TNRC6B: variants seen among roughly 807,000 people sequenced by gnomAD.
TNRC6B encodes the protein trinucleotide repeat-containing gene 6B protein.
Under a neutral mutation model 203.6 loss-of-function variants are expected in TNRC6B, and 52 were observed. The observed-to-expected ratio is 0.26, with a 90% CI of 0.20 to 0.32. The LOEUF is 0.32. Among genes scored for constraint, TNRC6B ranks in the 10% least tolerant of loss-of-function variants. TNRC6B has a pLI of 1.00. For synonymous variants in TNRC6B, 838 were observed against 845.7 expected, an observed-to-expected ratio of 0.99 and a Z score of 0.16; for missense variants, 1,923 against 2,286.2, an observed-to-expected ratio of 0.84 and a Z score of 3.24.
At position 40,329,476 on chromosome 22, in the gene TNRC6B, T is replaced by A. The variant is rs949405717; in HGVS notation, c.*6235T>A. On this transcript the variant is annotated 3_prime_UTR_variant, in exon 23 of 23. Transcript: ENST00000454349. ...TGACAAAGGGGGTGGTAATATCACA[T>A]TCTTTAGATTTGAAATAATTATCAG... 4.6e-5 allele frequency: 7 copies of A among 152,136 alleles called. No homozygotes were observed. Among genetic ancestry groups the A allele is most frequent in the Admixed American group, 1.3e-4 (2 of 15,278 alleles). 9.4% of individuals were successfully genotyped at this position (152,136 alleles called of 1,614,324 possible).
intron 1 of TNRC6B, chr22:40,106,688 T>G: frequency 1.3e-6 from 1 of 757,318 alleles, no homozygotes; most frequent in Non-Finnish European, 2.4e-6. Flanking sequence ...TGAAGCCCTG[T>G]TGAGCTTCAC....
intron 3 of TNRC6B, among the ~76,000 whole-genome samples, chr22:40,147,377 A>G (rs565332205): frequency 6.6e-6 from 1 of 152,298 alleles, no homozygotes; most frequent in East Asian, 1.9e-4. Flanking sequence ...TGGATGGTTG[A>G]TGGTTCCACA....
chr22:40,195,797 T>C (rs2069329570), intron 1 of TNRC6B, among the ~76,000 whole-genome samples: 1 of 149,148 alleles, frequency 6.7e-6, no homozygotes, highest in Non-Finnish European at 1.5e-5. Flanking sequence ...TGAGACGGAG[T>C]CTCGCTCTGT....
At chr22:40,089,018 A>G (rs544085090) in intron 1 of TNRC6B, among the ~76,000 whole-genome samples, 16 of 152,256 alleles carry the variant, frequency 1.1e-4, no homozygotes, top group South Asian at 4.1e-4. Flanking sequence ...AAGTCCTTCA[A>G]CTGTACTCAT....
intron 4 of TNRC6B, among the ~76,000 whole-genome samples, chr22:40,159,570 C>T (rs936514871): frequency 3.3e-5 from 5 of 151,428 alleles, no homozygotes; most frequent in South Asian, 2.1e-4. Flanking sequence ...ACCCAGAAGG[C>T]GGAGCTTGCA....
chr22:40,253,898 C>G (rs2070231211), intron 3 of TNRC6B, among the ~76,000 whole-genome samples: 1 of 152,218 alleles, frequency 6.6e-6, no homozygotes, highest in Admixed American at 6.5e-5. Flanking sequence ...CTCAGGCAAT[C>G]TGCCCTTCAC....
chr22:40,287,837 C>T (rs2070808973), intron 12 of TNRC6B, among the ~76,000 whole-genome samples: 2 of 152,124 alleles, frequency 1.3e-5, no homozygotes, highest in South Asian at 4.1e-4. Flanking sequence ...GAGGTGATAG[C>T]AGAATTCCCA....
chr22:40,192,581 C>A (rs1312260935), intron 1 of TNRC6B, among the ~76,000 whole-genome samples: 1 of 152,032 alleles, frequency 6.6e-6, no homozygotes, highest in Non-Finnish European at 1.5e-5. Flanking sequence ...CGAGCCACTG[C>A]ATTCCTGCAT....
chr22:40,296,015 A>G (rs1214048934), intron 12 of TNRC6B, among the ~76,000 whole-genome samples: 1 of 152,208 alleles, frequency 6.6e-6, no homozygotes, highest in Non-Finnish European at 1.5e-5. Flanking sequence ...AATGACACCC[A>G]TCTTTCCTGC....
At chr22:40,294,769 G>A (rs986669973) in intron 12 of TNRC6B, among the ~76,000 whole-genome samples, 7 of 152,188 alleles carry the variant, frequency 4.6e-5, no homozygotes, top group Non-Finnish European at 7.3e-5. Context: ...TTATATCAGA[G>A]ACAGTAAGTT....
At chr22:40,068,918 G>T (rs750269254) in intron 1 of TNRC6B, among the ~76,000 whole-genome samples, 1 of 151,816 alleles carries the variant, frequency 6.6e-6, no homozygotes. Flanking sequence ...ATATGAGGTG[G>T]ACTTTTTACC....
upstream of TNRC6B, among the ~76,000 whole-genome samples, chr22:40,175,221 G>C (rs2146372927): frequency 6.6e-6 from 1 of 152,106 alleles, no homozygotes; most frequent in East Asian, 1.9e-4. Flanking sequence ...TCTGGGCATG[G>C]TGGCATGTGT....
intron 1 of TNRC6B, among the ~76,000 whole-genome samples, chr22:40,181,555 A>T (rs1394413400): frequency 6.6e-6 from 1 of 152,306 alleles, no homozygotes; most frequent in East Asian, 1.9e-4. Flanking sequence ...GATCGTCACA[A>T]CTTGGCAGTT....
intron 1 of TNRC6B, among the ~76,000 whole-genome samples, chr22:40,096,541 A>G (rs2068187255): frequency 6.6e-6 from 1 of 152,198 alleles, no homozygotes; most frequent in Admixed American, 6.5e-5. Context: ...GATGTTGTCC[A>G]GCTACTCAGT....
intron 1 of TNRC6B, among the ~76,000 whole-genome samples, chr22:40,061,364 G>A (rs978198099): frequency 5.3e-5 from 8 of 151,660 alleles, no homozygotes; most frequent in South Asian, 2.1e-4. Flanking sequence ...ATAGGCATGC[G>A]CCACCACGTC....
intron 1 of TNRC6B, among the ~76,000 whole-genome samples, chr22:40,215,808 C>T (rs2069627060): frequency 6.6e-6 from 1 of 152,202 alleles, no homozygotes; most frequent in Admixed American, 6.5e-5. Context: ...TGATTTCTGT[C>T]TCCTATGTGG....
intron 22 of TNRC6B, chr22:40,321,464 A>C: frequency 4.2e-6 from 2 of 479,872 alleles, no homozygotes; most frequent in Admixed American, 3.3e-5. Flanking sequence ...AACGTAAATA[A>C]TTTGTGAAGT....
intron 21 of TNRC6B, among the ~76,000 whole-genome samples, chr22:40,319,317 A>G (rs1430644311): frequency 6.6e-6 from 1 of 151,174 alleles, no homozygotes; most frequent in African/African-American, 2.4e-5. Flanking sequence ...CCCCTTACCC[A>G]TGATTTCTTA....
chr22:40,281,172 C>A lies in TNRC6B; in HGVS notation c.3465C>A (p.Cys1155Ter). The change falls in exon 11 of 23, where the codon TGC (cysteine) becomes TGA (stop). Residue 1155 changes from cysteine to a stop codon, truncating the protein, a stop_gained. Coordinates refer to ENST00000454349, the MANE Select transcript of TNRC6B (RefSeq NM_001162501.2). LOFTEE classifies it high-confidence loss of function. Reference protein sequence around the residue: ...QDGCLGDEAPCSPFSPSPSYK... With the variant: ...QDGCLGDEAP ...GGTGCCTTGGGGATGAGGCTCCCTG[C>A]TCTCCCTTCTCCCCTTCTCCCAGCT... 1 of 1,551,288 alleles carries A rather than the reference C, an allele frequency of 6.4e-7. No homozygotes were observed. Among genetic ancestry groups the A allele is most frequent in the Non-Finnish European group, 8.7e-7 (1 of 1,146,802 alleles).
Sources: gnomAD v4.1 joint callset for allele counts (sites outside exome capture counted in the v4.1 genomes callset) on GRCh38, gnomAD v4.1.1 for gene constraint, MANE v1.5 for transcripts, NCBI Gene and HGNC (gene_info 2026-07-23, HGNC 2026-07-21) for gene names.